The following LINGO3 variants were observed in gnomAD, a reference collection of about 807,000 sequenced individuals.
LINGO3 encodes leucine-rich repeat and immunoglobulin-like domain-containing nogo receptor-interacting protein 3.
For synonymous variants in LINGO3, 427 were observed against 444.2 expected (o/e 0.96, Z 0.49); for missense variants, 750 against 867.7 (o/e 0.86, Z 1.70).
the LINGO3 span, among the ~76,000 whole-genome samples, chr19:2,302,483 C>G: frequency 3.3e-5 from 5 of 152,250 alleles, no homozygotes; most frequent in African/African-American, 1.2e-4. Flanking sequence ...GACGTCACCT[C>G]CTCGGCTCTG....
At chr19:2,301,448 AG>A in the LINGO3 span, among the ~76,000 whole-genome samples, 4 of 152,076 alleles carry the variant, frequency 2.6e-5, no homozygotes, top group Non-Finnish European at 4.4e-5. Context: ...CACGGCCCAG[AG>A]TCCCCGGCGG....
At chr19:2,288,700 C>A (rs2025487942), downstream of LINGO3, among the ~76,000 whole-genome samples, 1 of 152,100 alleles carries the variant, frequency 6.6e-6, no homozygotes, top group Non-Finnish European at 1.5e-5. The surrounding 1 kb of genome is among the most constrained non-coding windows in gnomAD (Gnocchi z 6.5). Flanking sequence ...GGCGTGTGGA[C>A]CCCTGACTGT....
the LINGO3 span, among the ~76,000 whole-genome samples, chr19:2,298,697 G>C: frequency 6.6e-6 from 1 of 151,770 alleles, no homozygotes; most frequent in Non-Finnish European, 1.5e-5. Context: ...CGCACCACCA[G>C]GTCTGGCTAA....
chr19:2,288,685 G>C (rs915885617), downstream of LINGO3, among the ~76,000 whole-genome samples: 2 of 152,178 alleles, frequency 1.3e-5, no homozygotes, highest in African/African-American at 4.8e-5. The surrounding 1 kb of genome is among the most constrained non-coding windows in gnomAD (Gnocchi z 6.5). Flanking sequence ...GAGGACGGAG[G>C]ACAGGGCGTG....
At chr19:2,301,852 C>T in the LINGO3 span, among the ~76,000 whole-genome samples, 15 of 145,144 alleles carry the variant, frequency 1.0e-4, no homozygotes, top group South Asian at 8.9e-4. Context: ...GGCGTGAACC[C>T]GGAAGGTGGA....
At chr19:2,289,217 TTCCCGGGTGTAAGCTGTGTG>T (rs1167483125), downstream of LINGO3, among the ~76,000 whole-genome samples, 6 of 145,564 alleles carry the variant, frequency 4.1e-5, no homozygotes, top group African/African-American at 1.0e-4. Flanking sequence ...TGAGCTGTGT[TTCCCGGGTGTAAGCTGTGTG>T]TCCCGGGTGT....
the LINGO3 span, among the ~76,000 whole-genome samples, chr19:2,298,425 T>A: frequency 6.6e-6 from 1 of 151,822 alleles, no homozygotes; most frequent in African/African-American, 2.4e-5. Flanking sequence ...AGAGATAGGG[T>A]CTCACTCTAT....
At chr19:2,291,917 C>T (rs1395985032) in exon 1 of LINGO3, 8 of 711,020 alleles carry the variant, frequency 1.1e-5, no homozygotes, top group Non-Finnish European at 1.9e-5. Context: ...CCCAGCACGG[C>T]GGCTCGCTCC....
chr19:2,307,380 G>T, the LINGO3 span, among the ~76,000 whole-genome samples: 1 of 152,200 alleles, frequency 6.6e-6, no homozygotes. Flanking sequence ...CTTTTCTTGT[G>T]CCCGGACCAA....
chr19:2,293,826 G>A (rs1297528131), upstream of LINGO3, among the ~76,000 whole-genome samples: 1 of 151,740 alleles, frequency 6.6e-6, no homozygotes, highest in Non-Finnish European at 1.5e-5. Context: ...GCCGAGGTGG[G>A]TGGATCACCT....
chr19:2,306,598 C>T, the LINGO3 span, among the ~76,000 whole-genome samples: 23 of 152,228 alleles, frequency 1.5e-4, 1 homozygote. Flanking sequence ...ACCTGAGCAT[C>T]TGTTTTATGG....
chr19:2,287,751 C>T (rs968228310), downstream of LINGO3, among the ~76,000 whole-genome samples: 2 of 152,194 alleles, frequency 1.3e-5, no homozygotes, highest in African/African-American at 4.8e-5. The surrounding 1 kb of genome is among the most constrained non-coding windows in gnomAD (Gnocchi z 4.5). Context: ...ATAGGTTTGA[C>T]CCTCAGACCC....
chr19:2,293,210 G>A (rs533562166), upstream of LINGO3, among the ~76,000 whole-genome samples: 226 of 152,020 alleles, frequency 1.5e-3, no homozygotes, highest in Non-Finnish European at 2.5e-3. Flanking sequence ...GGCTACAGGT[G>A]CCAGCCACCA....
chr19:2,302,785 G>A, the LINGO3 span, among the ~76,000 whole-genome samples: 1 of 152,228 alleles, frequency 6.6e-6, no homozygotes, highest in African/African-American at 2.4e-5. Context: ...CAGGGGGGCC[G>A]GGCCGGCGGC....
At chr19:2,297,078 C>T in the LINGO3 span, among the ~76,000 whole-genome samples, 7 of 150,986 alleles carry the variant, frequency 4.6e-5, no homozygotes, top group East Asian at 6.1e-4. Context: ...GGCGACAGAG[C>T]GAGACTCCGT....
At chr19:2,289,122 G>A (rs891351703), downstream of LINGO3, among the ~76,000 whole-genome samples, 2 of 151,392 alleles carry the variant, frequency 1.3e-5, no homozygotes, top group Non-Finnish European at 2.9e-5. Context: ...CTTGTATCAG[G>A]TGTGAGCTGA....
upstream of LINGO3, among the ~76,000 whole-genome samples, chr19:2,295,098 C>T (rs1260889019): frequency 1.3e-5 from 2 of 152,046 alleles, no homozygotes; most frequent in Admixed American, 6.5e-5. Flanking sequence ...AGACGCGGAG[C>T]CCCGGGAGAC....
upstream of LINGO3, among the ~76,000 whole-genome samples, chr19:2,292,498 T>C (rs1568412464): frequency 6.6e-6 from 1 of 151,844 alleles, no homozygotes; most frequent in South Asian, 2.1e-4. Flanking sequence ...TTGTGTTTGT[T>C]TGTCTGTTTG....
the LINGO3 span, among the ~76,000 whole-genome samples, chr19:2,303,527 CG>C: frequency 6.6e-6 from 1 of 152,064 alleles, no homozygotes; most frequent in African/African-American, 2.4e-5. Context: ...TAGCTGGCAA[CG>C]GCAAAACCAC....
Sources: allele counts gnomAD v4.1 joint callset (sites outside exome capture counted in the v4.1 genomes callset), GRCh38; gene constraint gnomAD v4.1.1; non-coding constraint Gnocchi (gnomAD v3.1); transcripts MANE v1.5; gene names NCBI Gene and HGNC (gene_info 2026-07-23, HGNC 2026-07-21).